ADGRL2: variants seen among roughly 807,000 people sequenced by gnomAD.
ADGRL2 encodes the protein adhesion G protein-coupled receptor L2.
Under a neutral mutation model 157.4 loss-of-function variants are expected in ADGRL2, and 44 were observed. The observed-to-expected ratio is 0.28, with a 90% CI of 0.22 to 0.36. ADGRL2 has a LOEUF of 0.36. ADGRL2 is among the 10% of genes least tolerant of loss of function. The pLI is 1.00. For synonymous variants in ADGRL2, 585 were observed against 624.7 expected (o/e 0.94, Z 0.95); for missense variants, 1,510 against 1,768.9 (o/e 0.85, Z 2.63).
chr1:81,519,976 T>A (rs1437580668), intron 2 of ADGRL2, among the ~76,000 whole-genome samples: 1 of 152,232 alleles, frequency 6.6e-6, no homozygotes, highest in Non-Finnish European at 1.5e-5. Context: ...TTCTTGGGCT[T>A]CTTGAAAATC....
chr1:81,748,214 C>T (rs1384223492), intron 1 of ADGRL2, among the ~76,000 whole-genome samples: 1 of 151,756 alleles, frequency 6.6e-6, no homozygotes, highest in African/African-American at 2.4e-5. Context: ...TGCGGTGGCT[C>T]ACGCCTGTAA....
At chr1:81,773,181 G>A (rs564659725) in intron 2 of ADGRL2, among the ~76,000 whole-genome samples, 30 of 152,196 alleles carry the variant, frequency 2.0e-4, no homozygotes, top group African/African-American at 7.0e-4. Flanking sequence ...CCCAAGCAAG[G>A]CTGATTCTGA....
chr1:81,985,179 G>A (rs1455679195), intron 20 of ADGRL2, 80 bp from the exon 21 acceptor site: 9 of 751,962 alleles, frequency 1.2e-5, no homozygotes, highest in Non-Finnish European at 2.0e-5. Flanking sequence ...GTTGTTTAGG[G>A]TAAATCCTTG....
intron 1 of ADGRL2, among the ~76,000 whole-genome samples, chr1:81,319,748 A>G (rs754564454): frequency 4.6e-5 from 7 of 152,222 alleles, no homozygotes. Flanking sequence ...CCCATGGACC[A>G]TATTGTCTTC....
At chr1:81,315,096 T>A (rs1405383555) in intron 1 of ADGRL2, among the ~76,000 whole-genome samples, 1 of 152,200 alleles carries the variant, frequency 6.6e-6, no homozygotes, top group Non-Finnish European at 1.5e-5. Context: ...ACATCTTTAG[T>A]TTGATTCAGA....
chr1:81,487,089 T>C (rs1361763352), intron 2 of ADGRL2, among the ~76,000 whole-genome samples: 3 of 10,688 alleles, frequency 2.8e-4, no homozygotes, highest in Non-Finnish European at 4.9e-4. Context: ...ACCTCATCTC[T>C]ACAAAAAAAA....
chr1:81,936,685 A>T, intron 3 of ADGRL2, 43 bp from the exon 4 acceptor site: 1 of 1,017,598 alleles, frequency 9.8e-7, no homozygotes, highest in South Asian at 1.6e-5. Flanking sequence ...GAAAATAATC[A>T]AATAAATTAT....
chr1:81,396,588 AAAAGC>A (rs2076659065), intron 1 of ADGRL2, among the ~76,000 whole-genome samples: 1 of 152,140 alleles, frequency 6.6e-6, no homozygotes, highest in African/African-American at 2.4e-5. Flanking sequence ...TTCTTAGAGA[AAAAGC>A]TTTCAGCTTT....
chr1:81,696,714 T>C (rs1356480237), upstream of ADGRL2, among the ~76,000 whole-genome samples: 1 of 152,076 alleles, frequency 6.6e-6, no homozygotes, highest in Non-Finnish European at 1.5e-5. Flanking sequence ...ATCACACCAC[T>C]GCACTCCAGC....
intron 1 of ADGRL2, among the ~76,000 whole-genome samples, chr1:81,428,769 G>A (rs887766570): frequency 2.0e-5 from 3 of 152,068 alleles, no homozygotes; most frequent in East Asian, 1.9e-4. Context: ...GAGGTGGCCC[G>A]AGACAACTAC....
chr1:81,334,077 C>T (rs1327885558), intron 1 of ADGRL2, among the ~76,000 whole-genome samples: 2 of 152,190 alleles, frequency 1.3e-5, no homozygotes, highest in African/African-American at 2.4e-5. Flanking sequence ...CAGTTTATGG[C>T]ATTTTGTTAC....
At chr1:81,714,198 A>G (rs941019030) in intron 1 of ADGRL2, among the ~76,000 whole-genome samples, 1 of 152,208 alleles carries the variant, frequency 6.6e-6, no homozygotes, top group Non-Finnish European at 1.5e-5. Context: ...TTGGGTGGAA[A>G]CACAGCCAAA....
chr1:81,357,725 G>A (rs1444658607), intron 1 of ADGRL2, among the ~76,000 whole-genome samples: 1 of 152,100 alleles, frequency 6.6e-6, no homozygotes, highest in African/African-American at 2.4e-5. Flanking sequence ...GGGGTAGAAG[G>A]TAGGAAGTTA....
At chr1:81,503,650 GA>G (rs1158681074) in intron 2 of ADGRL2, among the ~76,000 whole-genome samples, 1 of 152,198 alleles carries the variant, frequency 6.6e-6, no homozygotes, top group Non-Finnish European at 1.5e-5. Flanking sequence ...CGGGGGCAGG[GA>G]GAGGCTAGAG....
intron 2 of ADGRL2, among the ~76,000 whole-genome samples, chr1:81,547,797 G>C (rs2080053853): frequency 6.6e-6 from 1 of 152,150 alleles, no homozygotes; most frequent in Non-Finnish European, 1.5e-5. Flanking sequence ...TTGGGAGGTA[G>C]AAGTTTGCAA....
At chr1:81,540,759 G>A (rs190189434) in intron 2 of ADGRL2, among the ~76,000 whole-genome samples, 1 of 152,318 alleles carries the variant, frequency 6.6e-6, no homozygotes. Flanking sequence ...AGGAAAGGGG[G>A]AAGGCAATGA....
At chr1:81,636,823 G>C (rs1007038457) in intron 3 of ADGRL2, among the ~76,000 whole-genome samples, 1 of 152,076 alleles carries the variant, frequency 6.6e-6, no homozygotes, top group African/African-American at 2.4e-5. Flanking sequence ...ATTTGACCCT[G>C]TAATCCTTTT....
intron 2 of ADGRL2, among the ~76,000 whole-genome samples, chr1:81,493,115 A>G (rs1327694468): frequency 6.6e-6 from 1 of 152,216 alleles, no homozygotes; most frequent in African/African-American, 2.4e-5. Flanking sequence ...TAAATGTGAT[A>G]TAGTTCTAAG....
intron 3 of ADGRL2, among the ~76,000 whole-genome samples, chr1:81,641,069 C>T (rs905302663): frequency 6.6e-6 from 1 of 152,182 alleles, no homozygotes; most frequent in African/African-American, 2.4e-5. Flanking sequence ...CCAAGCTTTT[C>T]TTCTCAGCTC....
Sources: gnomAD v4.1 joint callset for allele counts (sites outside exome capture counted in the v4.1 genomes callset) on GRCh38, gnomAD v4.1.1 for gene constraint, MANE v1.5 for transcripts, NCBI Gene and HGNC (gene_info 2026-07-23, HGNC 2026-07-21) for gene names.